The following TUFT1 variants were observed in gnomAD, a reference collection of about 807,000 sequenced individuals.
TUFT1 encodes tuftelin.
TUFT1 carries 43 observed loss-of-function variants against 57.8 expected under a neutral mutation model. That is an observed-to-expected ratio of 0.74 (90% confidence interval 0.58 to 0.96). The LOEUF (loss-of-function observed/expected upper bound fraction) is 0.96. TUFT1 is among the 40% of genes least tolerant of loss of function. The probability of loss-of-function intolerance (pLI) is 0.00; values close to 1 mark genes in which losing one functional copy is unlikely to be tolerated. For synonymous variants in TUFT1, 166 were observed against 176.7 expected, an observed-to-expected ratio of 0.94 and a Z score of 0.48; for missense variants, 459 against 489.0, an observed-to-expected ratio of 0.94 and a Z score of 0.58.
intron 7 of TUFT1, among the ~76,000 whole-genome samples, chr1:151,573,558 A>G (rs1232886224): frequency 1.3e-5 from 2 of 152,188 alleles, no homozygotes; most frequent in African/African-American, 2.4e-5. Context: ...CAGCCTGACC[A>G]ACATGGATAA....
chr1:151,548,203 G>T (rs988906118), intron 1 of TUFT1, among the ~76,000 whole-genome samples: 11 of 152,332 alleles, frequency 7.2e-5, no homozygotes, highest in African/African-American at 2.6e-4. Flanking sequence ...ATCCCATCCG[G>T]CTCTGTTCTT....
At chr1:151,551,465 G>A (rs1487870903) in intron 1 of TUFT1, among the ~76,000 whole-genome samples, 1 of 152,210 alleles carries the variant, frequency 6.6e-6, no homozygotes, top group African/African-American at 2.4e-5. Flanking sequence ...TTGTTAAAGT[G>A]CAGGATATGT....
chr1:151,565,196 A>T (rs934563320), intron 5 of TUFT1, among the ~76,000 whole-genome samples: 1 of 152,186 alleles, frequency 6.6e-6, no homozygotes, highest in African/African-American at 2.4e-5. Context: ...GCATCAGTAA[A>T]TGTTTGTTAG....
chr1:151,568,187 A>T (rs1163490729), intron 6 of TUFT1, among the ~76,000 whole-genome samples: 1 of 151,982 alleles, frequency 6.6e-6, no homozygotes, highest in African/African-American at 2.4e-5. Flanking sequence ...CATCATCCTC[A>T]TGGGTCCTGT....
intron 1 of TUFT1, among the ~76,000 whole-genome samples, chr1:151,542,393 T>TC (rs945330072): frequency 6.6e-6 from 1 of 150,566 alleles, no homozygotes; most frequent in Non-Finnish European, 1.5e-5. Flanking sequence ...GACTAAAATT[T>TC]TTTTTTTTTT....
At chr1:151,572,500 T>C (rs1394254427) in intron 7 of TUFT1, among the ~76,000 whole-genome samples, 1 of 152,108 alleles carries the variant, frequency 6.6e-6, no homozygotes, top group Admixed American at 6.5e-5. Flanking sequence ...TAAACATAAA[T>C]AAATGTACAT....
At position 151,564,548 on chromosome 1, in the gene TUFT1, C is replaced by T. The variant is rs979777753; in HGVS notation, c.348C>T (p.Leu116=). 1.1e-5 allele frequency: 17 copies of T among 1,613,998 alleles called. No homozygotes were observed. Among genetic ancestry groups the T allele is most frequent in the Non-Finnish European group, 1.4e-5 (16 of 1,180,018 alleles). Residue 116 remains leucine, a synonymous_variant, in exon 5 of 13, where the codon CTC becomes CTT. Transcript: ENST00000368849. ...IQEARNCLQK[L]REDISSKLDR... is the part of the protein sequence containing the mutation. The stretch of plus-strand genomic sequence containing the variant: ...AGGCCAGGAACTGCCTACAGAAGCT[C>T]CGGGAGGATATAAGTAGCAAGCTTG...
intron 1 of TUFT1, among the ~76,000 whole-genome samples, chr1:151,544,278 G>A (rs868586905): frequency 6.6e-6 from 1 of 152,036 alleles, no homozygotes; most frequent in Non-Finnish European, 1.5e-5. Flanking sequence ...ACTGCACCTG[G>A]CCTTAAATCA....
At chr1:151,561,138 C>T (rs1187974755) in intron 1 of TUFT1, among the ~76,000 whole-genome samples, 4 of 151,930 alleles carry the variant, frequency 2.6e-5, no homozygotes, top group East Asian at 1.9e-4. Flanking sequence ...GGACTACAGG[C>T]GCCTGCCACC....
chr1:151,552,093 A>G (rs911963543), intron 1 of TUFT1, among the ~76,000 whole-genome samples: 1 of 152,150 alleles, frequency 6.6e-6, no homozygotes, highest in African/African-American at 2.4e-5. Flanking sequence ...TGTGCTTTTT[A>G]TATAAGTGGA....
rs770140842 is a variant in TUFT1 at position 151,569,695 on chromosome 1, G to A, written c.519G>A (p.Arg173=). The part of the protein sequence containing the change: ...TCINEDVESL[R]KTVQDLLAKL... The stretch of plus-strand genomic sequence containing the variant: ...TAAATGAGGATGTTGAGAGCTTGAG[G>A]AAGACGGTGCAGGACTTGCTGGCCA... The change falls in exon 7 of 13, where the codon AGG becomes AGA. Residue 173 remains arginine (R), a synonymous_variant. Coordinates refer to ENST00000368849, the MANE Select transcript of TUFT1 (RefSeq NM_020127.3). The A allele has an allele frequency of 4.3e-6, 7 of 1,613,950 alleles. No homozygotes were observed. In the African/African-American group the frequency reaches 8.0e-5, roughly 18 times the overall value.
intron 1 of TUFT1, among the ~76,000 whole-genome samples, chr1:151,559,424 A>T (rs1314671984): frequency 6.6e-6 from 1 of 152,206 alleles, no homozygotes; most frequent in African/African-American, 2.4e-5. Flanking sequence ...GCATTTGAAC[A>T]TGAACTTGAG....
At position 151,582,631 on chromosome 1, in the gene TUFT1, G is replaced by A. The variant is rs1434546452; in HGVS notation, c.*924G>A. On this transcript the variant is annotated 3_prime_UTR_variant, in exon 13 of 13. Coordinates refer to ENST00000368849, the MANE Select transcript of TUFT1 (RefSeq NM_020127.3). ...GCAGTATTTGGATTTGCTTGAAACC[G>A]GGAAAACTGTTCCCATTAGGCTTGT... 1 of 159,568 alleles carries A rather than the reference G, an allele frequency of 6.3e-6. No homozygotes were observed. The highest frequency in any genetic ancestry group is 2.4e-5 in the African/African-American group (1 of 41,528). The allele number at this position is 159,568 out of a possible 1,614,324, so 9.9% of individuals were successfully genotyped here. A position where few individuals can be genotyped will look rare whatever the true frequency, so the allele number is the denominator to read the frequency against.
At chr1:151,578,609 C>G (rs2102557814) in intron 9 of TUFT1, 112 bp from the exon 10 acceptor site, 1 of 856,830 alleles carries the variant, frequency 1.2e-6, no homozygotes, top group South Asian at 1.5e-5. Flanking sequence ...ACCAGGGAAT[C>G]AGGCAAAGGG....
chr1:151,567,485 C>T (rs1011930020), intron 6 of TUFT1, among the ~76,000 whole-genome samples: 4 of 152,080 alleles, frequency 2.6e-5, no homozygotes, highest in African/African-American at 4.8e-5. Flanking sequence ...CTGCCCACCT[C>T]GGCCTCCCAA....
rs530831260 is a variant in TUFT1, at chr1:151,555,544, C to T, written c.61-6547C>T. On this transcript the variant is annotated intron_variant, in intron 1 of 12. Transcript: ENST00000368849. ...CTGTAATCCAAGCACTTTGGGAGGC[C>T]GAGGCAGGCAGATCACGAGGTCAGG... 1.1e-4 allele frequency among the ~76,000 whole-genome samples: 17 copies of T among 150,052 alleles called. No homozygotes were observed. The South Asian group carries it at 2.3e-3, about 21-fold the overall frequency.
chr1:151,579,986 C>T (rs1666593025), intron 11 of TUFT1, among the ~76,000 whole-genome samples: 1 of 152,218 alleles, frequency 6.6e-6, no homozygotes, highest in African/African-American at 2.4e-5. Context: ...GTGCAAGCCA[C>T]ATGCCATGGC....
At position 151,543,327 on chromosome 1, in the gene TUFT1, A is replaced by ATGTGTGTGTGTG. The variant is rs10626781; in HGVS notation, c.60+2923_60+2934dup. ...GAACTTTTATTTCAGTTATATATAT[A>ATGTGTGTGTGTG]TGTGTGTGTGTGTGTGTGTGTGTGT... On this transcript the variant is annotated intron_variant, in intron 1 of 12. Coordinates refer to ENST00000368849, the MANE Select transcript of TUFT1 (RefSeq NM_020127.3). Among the ~76,000 whole-genome samples, 163 of 146,856 alleles carry ATGTGTGTGTGTG rather than the reference A, an allele frequency of 1.1e-3. 1 individual carries two copies. The highest frequency in any genetic ancestry group is 3.9e-3 in the African/African-American group (153 of 39,738).
intron 7 of TUFT1, among the ~76,000 whole-genome samples, chr1:151,572,221 A>C (rs919695502): frequency 8.2e-6 from 1 of 122,180 alleles, no homozygotes; most frequent in Non-Finnish European, 1.9e-5. Flanking sequence ...AATATGGTAC[A>C]TAAATAATTT....
Sources: gnomAD v4.1 joint callset for allele counts (sites outside exome capture counted in the v4.1 genomes callset) on GRCh38, gnomAD v4.1.1 for gene constraint, MANE v1.5 for transcripts, NCBI Gene and HGNC (gene_info 2026-07-23, HGNC 2026-07-21) for gene names.